Variants in FAM107B observed in about 807,000 individuals in gnomAD.
The protein encoded by FAM107B is family with sequence similarity 107 member B, also known as protein FAM107B.
A neutral mutation model predicts 31.5 loss-of-function variants in FAM107B; 21 were observed. The ratio of observed to expected loss-of-function variants is 0.67; its 90% confidence interval spans 0.47 to 0.96. The LOEUF (loss-of-function observed/expected upper bound fraction) is 0.96. Among genes scored for constraint, FAM107B ranks in the 40% least tolerant of loss-of-function variants. The pLI is 0.00. For missense variants in FAM107B, 452 were observed against 377.1 expected (o/e 1.20, Z -1.64); for synonymous variants, 157 against 141.5 (o/e 1.11, Z -0.78).
chr10:14,685,880 A>G (rs1282233399), intron 1 of FAM107B, among the ~76,000 whole-genome samples: 3 of 152,162 alleles, frequency 2.0e-5, no homozygotes, highest in African/African-American at 4.8e-5. Flanking sequence ...CGGCCTCACA[A>G]TCATGGCGGA....
intron 1 of FAM107B, among the ~76,000 whole-genome samples, chr10:14,748,997 A>G (rs1212296072): frequency 6.6e-6 from 1 of 152,218 alleles, no homozygotes. Context: ...AGATCTGATT[A>G]TACCTTTGGG....
chr10:14,703,102 C>T (rs572862068), intron 1 of FAM107B, among the ~76,000 whole-genome samples: 1 of 152,286 alleles, frequency 6.6e-6, no homozygotes, highest in African/African-American at 2.4e-5. Flanking sequence ...CCCATCTCTC[C>T]CTCCCCTCTG....
intron 1 of FAM107B, among the ~76,000 whole-genome samples, chr10:14,720,224 G>A (rs1470050089): frequency 6.6e-6 from 1 of 152,132 alleles, no homozygotes; most frequent in Non-Finnish European, 1.5e-5. Context: ...TGGTACTCCT[G>A]TTTCCAGTAA....
chr10:14,736,320 T>C (rs1184920696), intron 1 of FAM107B, among the ~76,000 whole-genome samples: 1 of 152,192 alleles, frequency 6.6e-6, no homozygotes, highest in African/African-American at 2.4e-5. Context: ...CCAAAATTCA[T>C]ATTCTACTGG....
intron 2 of FAM107B, among the ~76,000 whole-genome samples, chr10:14,633,967 C>T (rs536732551): frequency 1.3e-5 from 2 of 152,110 alleles, no homozygotes; most frequent in African/African-American, 2.4e-5. Context: ...ACTCACATGC[C>T]CTAAACTGAA....
chr10:14,531,789 C>T (rs1017847132), intron 2 of FAM107B, among the ~76,000 whole-genome samples: 2 of 152,060 alleles, frequency 1.3e-5, no homozygotes, highest in Non-Finnish European at 1.5e-5. Context: ...GAGCCGAGAT[C>T]GCACCATTGC....
At chr10:14,723,633 G>C in intron 1 of FAM107B, 1 of 716,058 alleles carries the variant, frequency 1.4e-6, no homozygotes, top group East Asian at 2.6e-5. Flanking sequence ...TGATGGGAAG[G>C]TTAACATAGG....
chr10:14,542,101 T>A (rs539294834), intron 2 of FAM107B, among the ~76,000 whole-genome samples: 19 of 151,420 alleles, frequency 1.3e-4, no homozygotes, highest in South Asian at 4.2e-4. Flanking sequence ...CTTAAAAAAA[T>A]AATAATAATA....
chr10:14,618,699 T>C (rs1379647450), intron 2 of FAM107B, among the ~76,000 whole-genome samples: 3 of 151,962 alleles, frequency 2.0e-5, no homozygotes, highest in Non-Finnish European at 4.4e-5. Context: ...TAGCCAGGCA[T>C]GGTGGTGTGA....
At chr10:14,674,429 G>C (rs1388784787) in intron 1 of FAM107B, among the ~76,000 whole-genome samples, 1 of 152,164 alleles carries the variant, frequency 6.6e-6, no homozygotes, top group African/African-American at 2.4e-5. Flanking sequence ...TGGGGATGGA[G>C]TCCTTCAAAT....
intron 2 of FAM107B, among the ~76,000 whole-genome samples, chr10:14,606,130 C>G (rs1852583900): frequency 6.6e-6 from 1 of 152,140 alleles, no homozygotes; most frequent in South Asian, 2.1e-4. Flanking sequence ...AGCAAACATC[C>G]AAGGCTCCAC....
At chr10:14,620,506 G>T (rs947864828) in intron 2 of FAM107B, among the ~76,000 whole-genome samples, 1 of 151,546 alleles carries the variant, frequency 6.6e-6, no homozygotes, top group Admixed American at 6.6e-5. Flanking sequence ...TTAGAATAAC[G>T]CTGATTTTTT....
At chr10:14,537,742 G>A (rs1254541529) in intron 2 of FAM107B, among the ~76,000 whole-genome samples, 1 of 151,476 alleles carries the variant, frequency 6.6e-6, no homozygotes, top group Non-Finnish European at 1.5e-5. Flanking sequence ...GGCTGAGGCA[G>A]GAGAATAGCT....
In FAM107B at chr10:14,537,833, C is replaced by CAAAAA. The variant is rs34298402; in HGVS notation, c.470-7323_470-7319dup. ...CTGGCGACAGAGTGAGACTCTGTCT[C>CAAAAA]AAAAAAAAAAAAAAAAAAAATGAAA... On this transcript the variant is annotated intron_variant, in intron 2 of 4. Transcript: ENST00000181796. Among the ~76,000 whole-genome samples the CAAAAA allele has an allele frequency of 3.3e-4, 28 of 85,616 alleles. 1 individual carries two copies. The South Asian group carries it at 0.011, about 33-fold the overall frequency. The allele number at this position is 85,616 out of a possible 152,430, so 56.2% of individuals were successfully genotyped here. A position where few individuals can be genotyped will look rare whatever the true frequency, so the allele number is the denominator to read the frequency against.
At chr10:14,715,987 C>T (rs1855770670) in intron 1 of FAM107B, among the ~76,000 whole-genome samples, 1 of 152,098 alleles carries the variant, frequency 6.6e-6, no homozygotes, top group Admixed American at 6.5e-5. Context: ...CCTTATAAAT[C>T]TACATTTATA....
intron 2 of FAM107B, among the ~76,000 whole-genome samples, chr10:14,651,443 TA>T (rs1853896411): frequency 6.6e-6 from 1 of 151,992 alleles, no homozygotes; most frequent in South Asian, 2.1e-4. Context: ...CCGTCACTAC[TA>T]AAAATACAAA....
At chr10:14,654,042 C>A (rs1287290897) in intron 2 of FAM107B, 2 of 151,912 alleles carry the variant, frequency 1.3e-5, no homozygotes, top group African/African-American at 4.8e-5. Context: ...GGCATTTAAA[C>A]CCCAAATGCC....
chr10:14,682,402 G>A (rs559496804), intron 1 of FAM107B, among the ~76,000 whole-genome samples: 3 of 152,252 alleles, frequency 2.0e-5, no homozygotes, highest in Admixed American at 6.5e-5. Context: ...GGTGGCGCAC[G>A]CCTGTAGTCC....
intron 2 of FAM107B, among the ~76,000 whole-genome samples, chr10:14,569,928 C>T (rs532413523): frequency 1.3e-5 from 2 of 152,256 alleles, no homozygotes; most frequent in East Asian, 1.9e-4. Flanking sequence ...CAGAGGTTCC[C>T]GGAAACCAGA....
Sources: allele counts gnomAD v4.1 joint callset (sites outside exome capture counted in the v4.1 genomes callset), GRCh38; gene constraint gnomAD v4.1.1; transcripts MANE v1.5; gene names NCBI Gene and HGNC (gene_info 2026-07-23, HGNC 2026-07-21).